Variants in SLC26A6 observed in about 807,000 individuals in gnomAD.
SLC26A6 encodes anion exchange transporter.
Under a neutral mutation model 87.1 loss-of-function variants are expected in SLC26A6, and 67 were observed. That is an observed-to-expected ratio of 0.77 (90% CI 0.63 to 0.94). The LOEUF is 0.94. Ranked by LOEUF, SLC26A6 falls within the 40% of genes least tolerant of loss-of-function variation. The pLI is 0.00. For synonymous variants in SLC26A6, 414 were observed against 405.9 expected (o/e 1.02, Z -0.24); for missense variants, 902 against 973.0 (o/e 0.93, Z 0.97).
intron 18 of SLC26A6, 85 bp downstream of exon 18, chr3:48,626,791 G>A (rs2046636604): frequency 1.2e-6 from 2 of 1,606,906 alleles, no homozygotes; most frequent in Non-Finnish European, 1.7e-6. Flanking sequence ...GAGGGTTTGG[G>A]GAGTCAGAGG....
In SLC26A6 at chr3:48,632,132, G is replaced by A. The variant is rs565292112; in HGVS notation, c.586-88C>T. ...AGGGCAAGTGGGATGGGAGGGGGAT[G>A]AGTAGACGGCAAGAGGAGGACGACG... is the stretch of plus-strand genomic sequence containing the variant. On this transcript the variant is annotated intron_variant, in intron 5 of 20. Coordinates refer to ENST00000395550, the MANE Select transcript of SLC26A6 (RefSeq NM_022911.3). 3.8e-6 allele frequency: 6 copies of A among 1,589,790 alleles called. No homozygotes were observed. In the South Asian group the frequency reaches 5.6e-5, roughly 15 times the overall value.
At chr3:48,627,292 T>C (rs1238246846) in intron 17 of SLC26A6, 2 of 534,462 alleles carry the variant, frequency 3.7e-6, no homozygotes, top group South Asian at 4.6e-5. Context: ...GGGCCGACGC[T>C]GCACAGGGAC....
rs765542172 is a variant in SLC26A6, at chr3:48,631,023, C to A, written c.1104G>T (p.Leu368=). ...IAISLGKIFA[L]RHGYRVDSNQ... ...TGCTGTCCACCCGGTAGCCGTGCCTCAGGGCGAAGATCTTCCCCAGTGAGA... is the reference window on the plus strand; with the variant it reads ...TGCTGTCCACCCGGTAGCCGTGCCTAAGGGCGAAGATCTTCCCCAGTGAGA... The change falls in exon 9 of 21, where the codon CTG becomes CTT. Residue 368 remains leucine, a synonymous_variant. Coordinates refer to ENST00000395550, the MANE Select transcript of SLC26A6 (RefSeq NM_022911.3). 6.2e-7 allele frequency: 1 copy of A among 1,613,852 alleles called. No homozygotes were observed. The highest frequency in any genetic ancestry group is 8.5e-7 in the Non-Finnish European group (1 of 1,180,012).
chr3:48,627,156 T>C, intron 17 of SLC26A6, 101 bp from the exon 18 acceptor site: 1 of 1,389,350 alleles, frequency 7.2e-7, no homozygotes, highest in Non-Finnish European at 9.8e-7. Flanking sequence ...ATGGGGAGCA[T>C]GCATGGGACA....
At chr3:48,634,075 T>G in intron 1 of SLC26A6, 1 of 198,110 alleles carries the variant, frequency 5.0e-6, no homozygotes, top group Admixed American at 5.3e-5. Context: ...GTCCAGCTCC[T>G]CAAGCAACTC....
In SLC26A6 at chr3:48,626,867, C is replaced by G. The variant is rs375762449; in HGVS notation, c.2073+9G>C. 6.2e-7 allele frequency: 1 copy of G among 1,611,484 alleles called. No individual in the cohort carries two copies. Among genetic ancestry groups the G allele is most frequent in the South Asian group, 1.1e-5 (1 of 90,824 alleles). ...AGCTCGAGGGGCCTTGGCCTGCCCC[C>G]GTCCTTACATTCTTCAGGCTCTTGA... On this transcript the variant is annotated intron_variant, in intron 18 of 20. Transcript: ENST00000395550.
intron 1 of SLC26A6, among the ~76,000 whole-genome samples, chr3:48,634,550 C>A (rs1006542901): frequency 6.6e-6 from 1 of 152,032 alleles, no homozygotes; most frequent in Non-Finnish European, 1.5e-5. Context: ...AAGCTCTGAC[C>A]TCGGGCGAGG....
Position 48,634,916 on chromosome 3 carries a change from G to C in SLC26A6, c.23+455C>G, listed in dbSNP as rs115206071. On this transcript the variant is annotated intron_variant, in intron 1 of 20. Transcript: ENST00000395550. ...CGACAACTTGGGACCCGCGTTTGGA[G>C]GGCGGAGCCTTGATCATTGGCCCCT... 2.5e-3 allele frequency among the ~76,000 whole-genome samples: 386 copies of C among 152,340 alleles called. 3 individuals are homozygous for C. Among genetic ancestry groups the C allele is most frequent in the African/African-American group, 8.8e-3 (364 of 41,590 alleles).
At chr3:48,634,678 T>C in intron 1 of SLC26A6, 1 of 978,284 alleles carries the variant, frequency 1.0e-6, no homozygotes, top group Non-Finnish European at 1.2e-6. Flanking sequence ...AGTTCTGATC[T>C]AGGAAAAGCC....
chr3:48,634,936 G>GC (rs1331051680), intron 1 of SLC26A6, among the ~76,000 whole-genome samples: 1 of 152,192 alleles, frequency 6.6e-6, no homozygotes, highest in Non-Finnish European at 1.5e-5. Flanking sequence ...TTGATCATTG[G>GC]CCCCTCCCTG....
Position 48,626,251 on chromosome 3 carries a change from T to C in SLC26A6, c.2232A>G (p.Gln744=), listed in dbSNP as rs931973284. Residue 744 remains glutamine (Q), a synonymous_variant, in exon 20 of 21, where the codon CAA becomes CAG. Coordinates refer to ENST00000395550, the MANE Select transcript of SLC26A6 (RefSeq NM_022911.3). ...GGCTGTCGGGGACAGGCCTCGGGTG[T>C]TGGAGGGCAAAGGTGACAGCATCAT... ...SVHDAVTFAL[Q]HPRPVPDSPV... is the part of the protein sequence containing the mutation. The C allele has an allele frequency of 6.2e-7, 1 of 1,613,796 alleles. No homozygotes were observed. Among genetic ancestry groups the C allele is most frequent in the African/African-American group, 1.3e-5 (1 of 74,912 alleles).
Position 48,628,222 on chromosome 3 carries a change from G to A in SLC26A6, c.1801-184C>T, listed in dbSNP as rs568930298. 1.9e-4 allele frequency: 143 copies of A among 756,880 alleles called. No homozygotes were observed. In the Middle Eastern group the frequency reaches 3.1e-3, roughly 16 times the overall value. The allele number at this position is 756,880 out of a possible 1,614,324, so 46.9% of individuals were successfully genotyped here. On this transcript the variant is annotated intron_variant, in intron 16 of 20. Transcript: ENST00000395550. The surrounding 1 kb of genome is among the most constrained non-coding windows in gnomAD (Gnocchi z 4.4). ...CCGTGAAAGGGAAGAGGACTGTGAC[G>A]GTTCTCACTGTCACTGGTTCAGATG...
At chr3:48,632,489 T>G in intron 4 of SLC26A6, 93 bp from the exon 5 acceptor site, 1 of 1,503,006 alleles carries the variant, frequency 6.7e-7, no homozygotes, top group Non-Finnish European at 9.0e-7. Context: ...AGACTTCCAG[T>G]TCTGGATAAA....
chr3:48,629,850 G>A (rs375575344), intron 13 of SLC26A6, 22 bp downstream of exon 13: 80 of 1,613,758 alleles, frequency 5.0e-5, no homozygotes, highest in Non-Finnish European at 5.8e-5. Context: ...CTGGAATGAG[G>A]GGACCAACAT....
rs1018953790 is a variant in SLC26A6 at position 48,628,918 on chromosome 3, C to A, written c.1600-204G>T. 6.6e-6 allele frequency among the ~76,000 whole-genome samples: 1 copy of A among 152,174 alleles called. No individual in the cohort carries two copies. Among genetic ancestry groups the A allele is most frequent in the African/African-American group, 2.4e-5 (1 of 41,428 alleles). On this transcript the variant is annotated intron_variant, in intron 14 of 20. Coordinates refer to ENST00000395550, the MANE Select transcript of SLC26A6 (RefSeq NM_022911.3). The surrounding 1 kb of genome is among the most constrained non-coding windows in gnomAD (Gnocchi z 4.4). ...TCCCCCCACAGTGCCTCTCCCTCCCCACCTCTCCTGCCACCACCCAGGCAG... is the reference window on the plus strand; with the variant it reads ...TCCCCCCACAGTGCCTCTCCCTCCCAACCTCTCCTGCCACCACCCAGGCAG...
Position 48,633,301 on chromosome 3 carries a change from A to G in SLC26A6, c.272T>C (p.Leu91Pro), listed in dbSNP as rs1187502027. Residue 91 changes from leucine (L) to proline (P), a missense_variant, in exon 3 of 21, where the codon CTG becomes CCG. This residue lies in a region of SLC26A6 where 800 missense variants were observed against 856.8 expected (regional missense o/e 0.93). Transcript: ENST00000395550. ...ACTCAGGCCGGATAACAGGTCACCC[A>G]GGAGCCAGTCACGCACAGGATACCG... The part of the protein sequence containing the change: ...LPRYPVRDWL[L>P]GDLLSGLSVA... The G allele has an allele frequency of 2.5e-6, 4 of 1,613,442 alleles. No homozygotes were observed. Among genetic ancestry groups the G allele is most frequent in the Non-Finnish European group, 2.5e-6 (3 of 1,180,024 alleles).
chr3:48,635,214 C>T (rs952277939), intron 1 of SLC26A6, among the ~76,000 whole-genome samples, 157 bp downstream of exon 1: 1 of 152,224 alleles, frequency 6.6e-6, no homozygotes, highest in African/African-American at 2.4e-5. Flanking sequence ...GCCCCCACCC[C>T]TTGCTGCAGA....
At position 48,633,048 on chromosome 3, in the gene SLC26A6, A is replaced by G; in HGVS notation, c.359T>C (p.Val120Ala). 2 of 1,613,522 alleles carry G rather than the reference A, an allele frequency of 1.2e-6. No homozygotes were observed. Among genetic ancestry groups the G allele is most frequent in the Non-Finnish European group, 1.7e-6 (2 of 1,179,884 alleles). Residue 120 changes from valine (V) to alanine (A), a missense_variant, in exon 4 of 21, where the codon GTG (valine) becomes GCG (alanine). Coordinates refer to ENST00000395550, the MANE Select transcript of SLC26A6 (RefSeq NM_022911.3). ...AYALLAGLPP[V>A]FGLYSSFYPV... ...GTAGAAGGAGCTATAGAGGCCAAAC[A>G]CGGGGGGCAATCCAGCCAGGAGGGC...
At position 48,632,044 on chromosome 3, in the gene SLC26A6, C is replaced by T. The variant is rs746736383; in HGVS notation, c.586G>A (p.Val196Met). The part of the protein sequence containing the change: ...TLSVLVGLFQ[V>M]GLGLIHFGFV... ...CCGAAGTGGATCAGGCCCAGCCCCACCTGTGGGGCGGCCAGGGGCAGTCAG... is the reference window on the plus strand; with the variant it reads ...CCGAAGTGGATCAGGCCCAGCCCCATCTGTGGGGCGGCCAGGGGCAGTCAG... Residue 196 changes from valine (V) to methionine (M), a missense_variant and splice_region_variant, in exon 6 of 21, where the codon GTG becomes ATG. By Grantham distance (21) the Val-to-Met change is conservative (BLOSUM62 1). Around this residue, in one of 3 missense-constraint regions of SLC26A6, gnomAD observed 800 missense variants for 856.8 expected, o/e 0.93. Transcript: ENST00000395550. 1.9e-6 allele frequency: 3 copies of T among 1,613,006 alleles called. No individual in the cohort carries two copies. Among genetic ancestry groups the T allele is most frequent in the Non-Finnish European group, 2.5e-6 (3 of 1,179,822 alleles).
Sources: allele counts gnomAD v4.1 joint callset (sites outside exome capture counted in the v4.1 genomes callset), GRCh38; gene constraint gnomAD v4.1.1; regional missense constraint gnomAD v4.1.1; non-coding constraint Gnocchi (gnomAD v3.1); transcripts MANE v1.5; gene names NCBI Gene and HGNC (gene_info 2026-07-23, HGNC 2026-07-21).